The following LRRTM4 variants were observed in gnomAD, a reference collection of about 807,000 sequenced individuals.
LRRTM4 encodes the protein leucine-rich repeat transmembrane neuronal protein 4.
LRRTM4 carries 25 observed loss-of-function variants against 47.6 expected under a neutral mutation model. The observed-to-expected ratio is 0.53, with a 90% CI of 0.38 to 0.73. The LOEUF (loss-of-function observed/expected upper bound fraction) is 0.73, where lower values mean the gene tolerates loss of function less well. Among genes scored for constraint, LRRTM4 ranks in the 30% least tolerant of loss-of-function variants. The pLI, the probability that LRRTM4 is intolerant of heterozygous loss-of-function variation, is 0.00. For missense variants in LRRTM4, 638 were observed against 713.4 expected, an observed-to-expected ratio of 0.89 and a Z score of 1.20; for synonymous variants, 311 against 269.5, an observed-to-expected ratio of 1.15 and a Z score of -1.51.
intron 3 of LRRTM4, among the ~76,000 whole-genome samples, chr2:76,986,251 G>A (rs1676790532): frequency 2.7e-5 from 4 of 149,998 alleles, no homozygotes; most frequent in Admixed American, 1.3e-4. Context: ...TAGTTGTAAA[G>A]GAAAGCATTA....
chr2:77,449,658 A>G (rs1360355194), intron 3 of LRRTM4, among the ~76,000 whole-genome samples: 4 of 152,194 alleles, frequency 2.6e-5, no homozygotes, highest in South Asian at 4.1e-4. Flanking sequence ...AGCCGGGACT[A>G]TACGGAATAC....
chr2:77,360,839 C>G (rs1672181410), intron 3 of LRRTM4, among the ~76,000 whole-genome samples: 2 of 152,066 alleles, frequency 1.3e-5, no homozygotes, highest in African/African-American at 4.8e-5. Flanking sequence ...CCTGTTTTTA[C>G]TTTGTAATTT....
intron 3 of LRRTM4, among the ~76,000 whole-genome samples, chr2:77,054,472 G>C (rs1679538113): frequency 6.6e-6 from 1 of 152,234 alleles, no homozygotes; most frequent in African/African-American, 2.4e-5. Context: ...TGCCTCACTT[G>C]GCATTTTGTG....
intron 3 of LRRTM4, among the ~76,000 whole-genome samples, chr2:76,948,815 T>A (rs1675407118): frequency 3.3e-5 from 5 of 151,844 alleles, no homozygotes; most frequent in Admixed American, 3.3e-4. Flanking sequence ...AATTCAGCAA[T>A]ACTCAATAAT....
rs566372637 is a variant in LRRTM4 at position 77,258,459 on chromosome 2, T to C, written c.1551+259859A>G. On this transcript the variant is annotated intron_variant, in intron 3 of 3. Coordinates refer to ENST00000409884, the MANE Select transcript of LRRTM4 (RefSeq NM_001134745.3). ...ATCACATTTTATAATACCATCATAT[T>C]ACTGGATTTGCTGTTGCATTTACAG... 8.5e-5 allele frequency among the ~76,000 whole-genome samples: 13 copies of C among 152,240 alleles called. 2 individuals are homozygous for C. The South Asian group carries it at 2.7e-3, about 32-fold the overall frequency.
At chr2:77,513,497 A>G (rs1398060963) in intron 3 of LRRTM4, among the ~76,000 whole-genome samples, 1 of 152,160 alleles carries the variant, frequency 6.6e-6, no homozygotes, top group African/African-American at 2.4e-5. Flanking sequence ...ACAAATACAG[A>G]CTTGACTATG....
intron 3 of LRRTM4, among the ~76,000 whole-genome samples, chr2:76,872,709 A>G (rs187896822): frequency 2.0e-5 from 3 of 152,008 alleles, no homozygotes; most frequent in African/African-American, 4.8e-5. Flanking sequence ...TCCAAACCTC[A>G]TATTTAAATT....
At chr2:77,272,100 T>G (rs1467938809) in intron 3 of LRRTM4, among the ~76,000 whole-genome samples, 1 of 152,162 alleles carries the variant, frequency 6.6e-6, no homozygotes, top group Admixed American at 6.5e-5. Flanking sequence ...CATCCATCTC[T>G]CCTTTCTTCT....
chr2:77,437,559 TC>T, intron 3 of LRRTM4, among the ~76,000 whole-genome samples: 1 of 152,062 alleles, frequency 6.6e-6, no homozygotes, highest in East Asian at 1.9e-4. Context: ...AAAGTATACT[TC>T]GAGTAAGAAC....
intron 3 of LRRTM4, among the ~76,000 whole-genome samples, chr2:77,204,038 T>G (rs1674053509): frequency 6.6e-6 from 1 of 152,166 alleles, no homozygotes; most frequent in Admixed American, 6.5e-5. Flanking sequence ...ACAATGTCAG[T>G]GTCAGGCCAG....
chr2:76,940,878 C>A (rs1345259387), intron 3 of LRRTM4, among the ~76,000 whole-genome samples: 1 of 152,174 alleles, frequency 6.6e-6, no homozygotes, highest in Non-Finnish European at 1.5e-5. Context: ...TTTCTTCTCT[C>A]TCTTTTCTTT....
intron 3 of LRRTM4, among the ~76,000 whole-genome samples, chr2:77,138,244 T>A (rs997530022): frequency 2.6e-5 from 4 of 152,166 alleles, no homozygotes; most frequent in African/African-American, 7.2e-5. Flanking sequence ...TCAGCAAATG[T>A]AAAAGAACAG....
intron 3 of LRRTM4, among the ~76,000 whole-genome samples, chr2:77,264,113 C>A (rs1288911740): frequency 6.6e-6 from 1 of 151,806 alleles, no homozygotes; most frequent in Non-Finnish European, 1.5e-5. Context: ...TTACTGAGTT[C>A]ACGCATCCAT....
chr2:77,123,386 G>C (rs996591464), intron 3 of LRRTM4, among the ~76,000 whole-genome samples: 8 of 151,788 alleles, frequency 5.3e-5, no homozygotes, highest in African/African-American at 1.9e-4. Flanking sequence ...CCTTAATTAC[G>C]TAAAAACAGA....
At chr2:77,052,319 C>T (rs1296499482) in intron 3 of LRRTM4, among the ~76,000 whole-genome samples, 1 of 151,932 alleles carries the variant, frequency 6.6e-6, no homozygotes, top group South Asian at 2.1e-4. Context: ...CAGGCATCTG[C>T]CACCACGCCT....
intron 3 of LRRTM4, among the ~76,000 whole-genome samples, chr2:77,029,770 T>C (rs1182278336): frequency 6.6e-6 from 1 of 152,184 alleles, no homozygotes; most frequent in Admixed American, 6.5e-5. Flanking sequence ...AGAAACATTC[T>C]TGAGCAGAAC....
At chr2:76,901,402 T>A (rs951620037) in intron 3 of LRRTM4, among the ~76,000 whole-genome samples, 2 of 152,190 alleles carry the variant, frequency 1.3e-5, no homozygotes, top group African/African-American at 4.8e-5. Context: ...TATGTCTGTA[T>A]AGTATTCCAT....
intron 3 of LRRTM4, among the ~76,000 whole-genome samples, chr2:77,500,683 A>T (rs999540977): frequency 6.6e-6 from 1 of 151,652 alleles, no homozygotes; most frequent in South Asian, 2.1e-4. Flanking sequence ...AATTTAAAAG[A>T]TAATCATTCA....
chr2:77,321,588 A>AAAAGAAC (rs1174169617), intron 3 of LRRTM4, among the ~76,000 whole-genome samples: 1 of 68,750 alleles, frequency 1.5e-5, no homozygotes, highest in Non-Finnish European at 2.4e-5. Context: ...AAAAGAAAAG[A>AAAAGAAC]AAAGAAAAAA....
Sources: gnomAD v4.1 joint callset for allele counts (sites outside exome capture counted in the v4.1 genomes callset) on GRCh38, gnomAD v4.1.1 for gene constraint, MANE v1.5 for transcripts, NCBI Gene and HGNC (gene_info 2026-07-23, HGNC 2026-07-21) for gene names.